The following ARL5A variants were observed in gnomAD, a reference collection of about 807,000 sequenced individuals.
The protein encoded by ARL5A is ADP-ribosylation factor-like protein 5A.
ARL5A carries 18 observed loss-of-function variants against 25.9 expected under a neutral mutation model. That is an observed-to-expected ratio of 0.69 (90% CI 0.48 to 1.03). The LOEUF is 1.03. Among genes scored for constraint, ARL5A ranks in the 50% least tolerant of loss-of-function variants. The pLI is 0.00. For missense variants in ARL5A, 170 were observed against 211.9 expected, an observed-to-expected ratio of 0.80 and a Z score of 1.23; for synonymous variants, 61 against 67.5, an observed-to-expected ratio of 0.90 and a Z score of 0.47.
At chr2:151,824,762 T>C (rs1228652169) in intron 1 of ARL5A, among the ~76,000 whole-genome samples, 1 of 152,228 alleles carries the variant, frequency 6.6e-6, no homozygotes, top group Non-Finnish European at 1.5e-5. Context: ...TGCATGTGTG[T>C]GTAGAACTAA....
intron 4 of ARL5A, among the ~76,000 whole-genome samples, chr2:151,811,008 C>G (rs1260408757): frequency 6.6e-6 from 1 of 151,938 alleles, no homozygotes; most frequent in South Asian, 2.1e-4. Context: ...TGCTTGTATC[C>G]CAACTAGCAA....
chr2:151,800,604 T>C lies in ARL5A; in HGVS notation c.*2672A>G, dbSNP rs987484655. 6.6e-6 allele frequency: 1 copy of C among 152,214 alleles called. No individual in the cohort carries two copies. Among genetic ancestry groups the C allele is most frequent in the Non-Finnish European group, 1.5e-5 (1 of 68,044 alleles). 9.4% of individuals were successfully genotyped at this position (152,214 alleles called of 1,614,324 possible). On this transcript the variant is annotated 3_prime_UTR_variant, in exon 6 of 6. Transcript: ENST00000295087. The stretch of plus-strand genomic sequence containing the variant: ...ACCCCTATACAACCTGCCTTCGTTG[T>C]ATCCTTTGCCCATTATGAGGACCAA...
intron 1 of ARL5A, among the ~76,000 whole-genome samples, chr2:151,825,527 C>T (rs1237404705): frequency 1.3e-5 from 2 of 152,148 alleles, no homozygotes; most frequent in African/African-American, 2.4e-5. Flanking sequence ...AAAGTTTGTA[C>T]TCTACTGAAT....
chr2:151,815,287 C>A, intron 1 of ARL5A, 88 bp from the exon 2 acceptor site: 1 of 1,066,898 alleles, frequency 9.4e-7, no homozygotes, highest in South Asian at 1.5e-5. Flanking sequence ...GTATCTCACC[C>A]TTCTATCTAT....
In ARL5A at chr2:151,803,293, G is replaced by GT; in HGVS notation, c.522dup (p.Arg175ThrfsTer3). The stretch of plus-strand genomic sequence containing the variant: ...AGTAGAGATCATCTAATCTTAAGTC[G>GT]TGACATCATCCATTCAAGTCCTTGG... On this transcript the variant is annotated frameshift_variant, in exon 6 of 6. Transcript: ENST00000295087. LOFTEE classifies it high-confidence loss of function. The GT allele has an allele frequency of 6.2e-7, 1 of 1,612,550 alleles. No individual in the cohort carries two copies. Among genetic ancestry groups the GT allele is most frequent in the Non-Finnish European group, 8.5e-7 (1 of 1,178,770 alleles).
At chr2:151,806,715 C>G (rs1191266175) in intron 5 of ARL5A, 106 bp downstream of exon 5, 4 of 1,167,484 alleles carry the variant, frequency 3.4e-6, no homozygotes, top group East Asian at 2.6e-5. Context: ...CTGTCCCTTA[C>G]GATGTTTTAT....
intron 1 of ARL5A, among the ~76,000 whole-genome samples, chr2:151,821,798 T>C (rs1311854051): frequency 6.9e-6 from 1 of 144,602 alleles, no homozygotes. Context: ...TCTTTTTTTT[T>C]TTTTTTTTTG....
intron 3 of ARL5A, 100 bp from the exon 4 acceptor site, chr2:151,812,540 T>C (rs1240422792): frequency 6.9e-6 from 5 of 727,282 alleles, no homozygotes; most frequent in Non-Finnish European, 8.3e-6. Context: ...TATCAAGAAA[T>C]TGGAATCTTA....
At chr2:151,810,768 A>AT (rs1425775188) in intron 4 of ARL5A, among the ~76,000 whole-genome samples, 3 of 152,200 alleles carry the variant, frequency 2.0e-5, no homozygotes, top group Admixed American at 1.3e-4. Flanking sequence ...ATCCTGCTGC[A>AT]TATTGGCCAA....
At chr2:151,805,697 T>A (rs2099830001) in intron 5 of ARL5A, among the ~76,000 whole-genome samples, 1 of 152,136 alleles carries the variant, frequency 6.6e-6, no homozygotes, top group Non-Finnish European at 1.5e-5. Context: ...TAGGTAACCA[T>A]AACCCAATAG....
At chr2:151,824,815 G>C (rs1018740657) in intron 1 of ARL5A, among the ~76,000 whole-genome samples, 1 of 152,004 alleles carries the variant, frequency 6.6e-6, no homozygotes, top group Non-Finnish European at 1.5e-5. Context: ...GTGTGTGTGC[G>C]TAGGAGAAAT....
At chr2:151,811,818 C>A (rs2099830884) in intron 4 of ARL5A, among the ~76,000 whole-genome samples, 1 of 152,158 alleles carries the variant, frequency 6.6e-6, no homozygotes, top group Admixed American at 6.5e-5. Flanking sequence ...GCGATCCCCC[C>A]ACCTCAGTCT....
At chr2:151,828,015 C>T in intron 1 of ARL5A, 116 bp downstream of exon 1, 2 of 1,129,434 alleles carry the variant, frequency 1.8e-6, no homozygotes, top group Non-Finnish European at 1.3e-6. Flanking sequence ...CTGCACCCCG[C>T]GCTGAGCTGG....
At chr2:151,805,433 C>G (rs1417244116) in intron 5 of ARL5A, among the ~76,000 whole-genome samples, 1 of 152,158 alleles carries the variant, frequency 6.6e-6, no homozygotes, top group East Asian at 1.9e-4. Context: ...GAACCTCAAC[C>G]CCAAACTTAA....
intron 4 of ARL5A, among the ~76,000 whole-genome samples, chr2:151,809,447 G>A (rs894298042): frequency 2.6e-5 from 4 of 152,140 alleles, no homozygotes; most frequent in African/African-American, 9.7e-5. Flanking sequence ...TGACTTCTAA[G>A]AAGTTATTTT....
intron 4 of ARL5A, among the ~76,000 whole-genome samples, chr2:151,811,202 G>T (rs904417937): frequency 6.6e-6 from 1 of 152,086 alleles, no homozygotes; most frequent in Non-Finnish European, 1.5e-5. Flanking sequence ...GCCCTGAAAG[G>T]TTGCCTGAAA....
chr2:151,826,790 C>T (rs922841854), intron 1 of ARL5A, among the ~76,000 whole-genome samples: 2 of 152,226 alleles, frequency 1.3e-5, no homozygotes, highest in East Asian at 1.9e-4. Context: ...CTGCTTCCCA[C>T]TCTCCTGCTC....
intron 1 of ARL5A, among the ~76,000 whole-genome samples, chr2:151,820,193 C>T (rs2099832083): frequency 1.3e-5 from 2 of 152,208 alleles, no homozygotes; most frequent in Admixed American, 1.3e-4. Flanking sequence ...CAAGATGCAT[C>T]ATCTTTTACA....
Position 151,806,614 on chromosome 2 carries a change from T to C in ARL5A, c.491+207A>G, listed in dbSNP as rs151159861. ...AACAGCTACATGCTTCCATGTTCAG[T>C]AGGTTTATGTGTATTATGTTTATAT... On this transcript the variant is annotated intron_variant, in intron 5 of 5. Transcript: ENST00000295087. Among the ~76,000 whole-genome samples the C allele has an allele frequency of 1.1e-3, 169 of 152,278 alleles. 2 individuals are homozygous for C. Among genetic ancestry groups the C allele is most frequent in the Middle Eastern group, 6.8e-3 (2 of 294 alleles).
Sources: gnomAD v4.1 joint callset for allele counts (sites outside exome capture counted in the v4.1 genomes callset) on GRCh38, gnomAD v4.1.1 for gene constraint, MANE v1.5 for transcripts, NCBI Gene and HGNC (gene_info 2026-07-23, HGNC 2026-07-21) for gene names.